The following RFX8 variants were observed in gnomAD, a reference collection of about 807,000 sequenced individuals.
The protein encoded by RFX8 is regulatory factor X8, also known as DNA-binding protein RFX8.
In RFX8, 46 loss-of-function variants were observed where a neutral mutation model predicts 54.6. That is an observed-to-expected ratio of 0.84 (90% CI 0.67 to 1.08). The LOEUF (loss-of-function observed/expected upper bound fraction) is 1.08. Among genes scored for constraint, RFX8 ranks in the 50% least tolerant of loss-of-function variants. The pLI is 0.00. For synonymous variants in RFX8, 192 were observed against 209.5 expected, an observed-to-expected ratio of 0.92 and a Z score of 0.72; for missense variants, 536 against 562.3, an observed-to-expected ratio of 0.95 and a Z score of 0.47.
chr2:101,418,971 T>A lies in RFX8; in HGVS notation c.238-7A>T. On this transcript the variant is annotated splice_region_variant and splice_polypyrimidine_tract_variant and intron_variant, in intron 4 of 11. Coordinates refer to ENST00000428343, the MANE Select transcript of RFX8 (RefSeq NM_001145664.2). ...AAGTAAGCAAGTCCTCCACCTGGGG[T>A]AAGTAACAGAGCATATCGCCAAAAC... 1 of 1,498,276 alleles carries A rather than the reference T, an allele frequency of 6.7e-7. No homozygotes were observed. The highest frequency in any genetic ancestry group is 1.4e-5 in the African/African-American group (1 of 72,004). 92.8% of individuals were successfully genotyped at this position (1,498,276 alleles called of 1,614,324 possible). A position where few individuals can be genotyped will look rare whatever the true frequency, so the allele number is the denominator to read the frequency against.
intron 1 of RFX8, among the ~76,000 whole-genome samples, chr2:101,468,995 TATATATACGTATATATATATAG>T (rs1349988808): frequency 9.5e-5 from 3 of 31,546 alleles, no homozygotes; most frequent in Non-Finnish European, 3.0e-4. Context: ...TATATAAGTA[TATATATACGTATATATATATAG>T]GTATATATAT....
intron 8 of RFX8, among the ~76,000 whole-genome samples, chr2:101,411,779 A>G (rs1686146684): frequency 6.6e-6 from 1 of 152,146 alleles, no homozygotes; most frequent in African/African-American, 2.4e-5. Context: ...ACAGGACAGT[A>G]GAGGGGAGCA....
intron 1 of RFX8, among the ~76,000 whole-genome samples, chr2:101,473,560 A>C (rs902605667): frequency 6.6e-5 from 10 of 152,184 alleles, no homozygotes; most frequent in Non-Finnish European, 1.2e-4. Flanking sequence ...CCTGAGAAAT[A>C]TGCTTTGAAA....
rs978014597 is a variant in RFX8, at chr2:101,397,600, A to G, written c.1370T>C (p.Val457Ala). 5 of 1,550,822 alleles carry G rather than the reference A, an allele frequency of 3.2e-6. No homozygotes were observed. The highest frequency in any genetic ancestry group is 3.5e-6 in the Non-Finnish European group (4 of 1,146,462). The change falls in exon 12 of 12, where the codon GTA (valine) becomes GCA (alanine). Residue 457 changes from valine to alanine, a missense_variant. By Grantham distance (64) the Val-to-Ala change is moderately conservative (BLOSUM62 0). Transcript: ENST00000428343. ...GQQFVIQISD[V>A]PQSSEDIYFR... ...ATAAATATCTTCAGAGCTTTGGGGT[A>G]CATCTGATATCTGAATCACAAATTG...
intron 1 of RFX8, among the ~76,000 whole-genome samples, chr2:101,469,381 G>A (rs867989271): frequency 1.8e-4 from 28 of 151,900 alleles, no homozygotes; most frequent in African/African-American, 6.3e-4. Context: ...CTGACCTCCT[G>A]TTGTCGAGCA....
chr2:101,420,554 C>CA (rs374329605), intron 4 of RFX8, among the ~76,000 whole-genome samples: 6,229 of 152,044 alleles, frequency 0.041, 204 homozygotes, highest in Admixed American at 0.11. Context: ...CACACACACA[C>CA]AAAAAAGAAA....
chr2:101,419,457 G>C (rs1686730565), intron 4 of RFX8, among the ~76,000 whole-genome samples: 1 of 152,224 alleles, frequency 6.6e-6, no homozygotes, highest in African/African-American at 2.4e-5. Flanking sequence ...GTTCTACACA[G>C]GAGCCTTCTC....
At chr2:101,407,419 C>A (rs1276506813) in intron 9 of RFX8, among the ~76,000 whole-genome samples, 2 of 152,142 alleles carry the variant, frequency 1.3e-5, no homozygotes, top group Non-Finnish European at 2.9e-5. Flanking sequence ...CTGCTGGGCA[C>A]GGTGGCTCAC....
intron 2 of RFX8, among the ~76,000 whole-genome samples, chr2:101,423,792 C>G (rs183011144): frequency 2.0e-5 from 3 of 152,146 alleles, no homozygotes; most frequent in Non-Finnish European, 4.4e-5. Context: ...GCTCAGACAC[C>G]ATCCCACACA....
At chr2:101,406,586 C>T (rs988549850) in intron 9 of RFX8, among the ~76,000 whole-genome samples, 1 of 152,122 alleles carries the variant, frequency 6.6e-6, no homozygotes, top group African/African-American at 2.4e-5. Flanking sequence ...AGTGATCCTC[C>T]TGTCTCGGCC....
intron 1 of RFX8, among the ~76,000 whole-genome samples, chr2:101,473,939 TC>T (rs1327276112): frequency 6.6e-6 from 1 of 152,194 alleles, no homozygotes; most frequent in Non-Finnish European, 1.5e-5. Context: ...CGGATGGCTT[TC>T]CGCGGGAAGG....
At chr2:101,452,143 A>G (rs1221542109) in intron 2 of RFX8, among the ~76,000 whole-genome samples, 1 of 152,220 alleles carries the variant, frequency 6.6e-6, no homozygotes, top group Non-Finnish European at 1.5e-5. Flanking sequence ...TAACTGTAGA[A>G]CAATAAAAAT....
chr2:101,450,577 A>G, intron 2 of RFX8: 1 of 1,347,896 alleles, frequency 7.4e-7, no homozygotes, highest in Non-Finnish European at 1.0e-6. Flanking sequence ...CAAAGTGCCA[A>G]AATGATAGCT....
chr2:101,444,413 T>A (rs1184803624), intron 2 of RFX8, among the ~76,000 whole-genome samples: 1 of 152,194 alleles, frequency 6.6e-6, no homozygotes, highest in Admixed American at 6.5e-5. Flanking sequence ...AAACAGAAGA[T>A]TTAAATAGGA....
chr2:101,403,431 T>G (rs1171738262), intron 10 of RFX8, among the ~76,000 whole-genome samples: 1 of 152,190 alleles, frequency 6.6e-6, no homozygotes, highest in Non-Finnish European at 1.5e-5. Context: ...TCTGGCCTAT[T>G]GCAATTGTTA....
At chr2:101,426,641 G>A (rs569042760) in intron 2 of RFX8, among the ~76,000 whole-genome samples, 2 of 152,320 alleles carry the variant, frequency 1.3e-5, no homozygotes, top group South Asian at 2.1e-4. Context: ...AATGCAGTTT[G>A]AGATTTTGAC....
At position 101,410,601 on chromosome 2, in the gene RFX8, T is replaced by TTA; in HGVS notation, c.813+17_813+18insTA. ...ATGGTCAACACACTTTTTTTTTTTT[T>TTA]AAGTCACAGCTTCCTACCTGGAACA... On this transcript the variant is annotated intron_variant, in intron 9 of 11. Transcript: ENST00000428343. 7.4e-7 allele frequency: 1 copy of TTA among 1,343,774 alleles called. No individual in the cohort carries two copies. Among genetic ancestry groups the TTA allele is most frequent in the Non-Finnish European group, 1.0e-6 (1 of 972,582 alleles). 83.2% of individuals were successfully genotyped at this position (1,343,774 alleles called of 1,614,324 possible).
intron 2 of RFX8, among the ~76,000 whole-genome samples, chr2:101,423,140 C>G (rs900153226): frequency 2.0e-5 from 3 of 152,026 alleles, no homozygotes; most frequent in Non-Finnish European, 4.4e-5. Context: ...CACCTGTAAT[C>G]CCAGCTATTT....
chr2:101,428,677 C>T (rs570000228), intron 2 of RFX8, among the ~76,000 whole-genome samples: 39 of 152,238 alleles, frequency 2.6e-4, no homozygotes, highest in African/African-American at 7.5e-4. Context: ...CATTTATTGC[C>T]AACAGCCTAT....
Sources: allele counts gnomAD v4.1 joint callset (sites outside exome capture counted in the v4.1 genomes callset), GRCh38; gene constraint gnomAD v4.1.1; transcripts MANE v1.5; gene names NCBI Gene and HGNC (gene_info 2026-07-23, HGNC 2026-07-21).